Variants in RPH3A observed in about 807,000 individuals in gnomAD.
RPH3A encodes the protein rabphilin-3A.
In RPH3A, 48 loss-of-function variants were observed where a neutral mutation model predicts 102.2. That is an observed-to-expected ratio of 0.47 (90% CI 0.37 to 0.60). RPH3A has a LOEUF of 0.60. Among genes scored for constraint, RPH3A ranks in the 20% least tolerant of loss-of-function variants. RPH3A has a pLI of 0.00. For synonymous variants in RPH3A, 310 were observed against 324.3 expected (o/e 0.96, Z 0.47); for missense variants, 781 against 910.1 (o/e 0.86, Z 1.83).
Position 112,876,722 on chromosome 12 carries a change from G to A in RPH3A, c.1027G>A (p.Gly343Arg). The change falls in exon 13 of 22, where the codon GGA becomes AGA. Residue 343 changes from glycine to arginine, a missense_variant. Physicochemically the swap from Gly to Arg is moderately radical, Grantham distance 125. This residue lies in a region of RPH3A where 730 missense variants were observed against 810.0 expected (regional missense o/e 0.90). Coordinates refer to ENST00000389385, the MANE Select transcript of RPH3A (RefSeq NM_001143854.2). ...GGGAGTCGGGGGCTACCCAGCAGTT[G>A]GAGCCAGAGAGGACCGAATGAGCCA... ...TGGVGGYPAVGAREDRMSHPS... is the reference protein window; with the variant it reads ...TGGVGGYPAVRAREDRMSHPS... The A allele has an allele frequency of 6.2e-7, 1 of 1,613,484 alleles. No homozygotes were observed. The highest frequency in any genetic ancestry group is 8.5e-7 in the Non-Finnish European group (1 of 1,179,766).
chr12:112,842,197 C>T (rs1001278993), intron 4 of RPH3A, among the ~76,000 whole-genome samples: 4 of 152,200 alleles, frequency 2.6e-5, no homozygotes, highest in Non-Finnish European at 5.9e-5. Flanking sequence ...ACTATATGTG[C>T]AGTGCTATTA....
chr12:112,676,020 C>A (rs1352237354), intron 1 of RPH3A, among the ~76,000 whole-genome samples: 1 of 152,112 alleles, frequency 6.6e-6, no homozygotes, highest in Non-Finnish European at 1.5e-5. Flanking sequence ...GGAGCCTGGG[C>A]AGTCCTGCCT....
Position 112,898,175 on chromosome 12 carries a change from G to C in RPH3A, c.*1395G>C, listed in dbSNP as rs995989866. 1 of 152,154 alleles carries C rather than the reference G, an allele frequency of 6.6e-6. No homozygotes were observed. The highest frequency in any genetic ancestry group is 1.5e-5 in the Non-Finnish European group (1 of 68,022). 9.4% of individuals were successfully genotyped at this position (152,154 alleles called of 1,614,324 possible). The stretch of plus-strand genomic sequence containing the variant: ...GAGAGAGACAGGCCTGATGCCAAAG[G>C]CTTTGGGCTCATCATCAATCTTTCA... On this transcript the variant is annotated 3_prime_UTR_variant, in exon 22 of 22. Coordinates refer to ENST00000389385, the MANE Select transcript of RPH3A (RefSeq NM_001143854.2).
chr12:112,789,431 A>T (rs1217147416), upstream of RPH3A, among the ~76,000 whole-genome samples: 2 of 152,152 alleles, frequency 1.3e-5, no homozygotes, highest in African/African-American at 4.8e-5. Flanking sequence ...TTTGAAATGA[A>T]CTCTGAGAGA....
At chr12:112,667,677 A>AGG (rs2040096187) in intron 1 of RPH3A, among the ~76,000 whole-genome samples, 1 of 99,382 alleles carries the variant, frequency 1.0e-5, no homozygotes, top group African/African-American at 5.5e-5. Context: ...AGAGAGAGAG[A>AGG]GAGAGAGAGA....
At chr12:112,831,324 A>G (rs528588350) in intron 3 of RPH3A, among the ~76,000 whole-genome samples, 32 of 152,120 alleles carry the variant, frequency 2.1e-4, no homozygotes, top group South Asian at 1.9e-3. Flanking sequence ...TTTCAGTCAT[A>G]TGGTTCATTC....
Position 112,847,682 on chromosome 12 carries a change from A to T in RPH3A, c.84-14A>T. ...TTTCTGCCCACCCTCACACCTTCCC[A>T]AATTTCCTTTCAGGCTCCAGGCAGG... On this transcript the variant is annotated splice_polypyrimidine_tract_variant and intron_variant, in intron 4 of 21. Coordinates refer to ENST00000389385, the MANE Select transcript of RPH3A (RefSeq NM_001143854.2). 1 of 1,612,848 alleles carries T rather than the reference A, an allele frequency of 6.2e-7. No individual in the cohort carries two copies. Among genetic ancestry groups the T allele is most frequent in the South Asian group, 1.1e-5 (1 of 90,920 alleles).
At chr12:112,759,881 A>G (rs2040843906) in intron 1 of RPH3A, among the ~76,000 whole-genome samples, 1 of 152,110 alleles carries the variant, frequency 6.6e-6, no homozygotes, top group Admixed American at 6.5e-5. Context: ...ATTCCTTCCA[A>G]TGACAGGTAA....
intron 1 of RPH3A, among the ~76,000 whole-genome samples, chr12:112,633,022 G>A (rs1290030828): frequency 6.6e-6 from 1 of 151,446 alleles, no homozygotes; most frequent in South Asian, 2.1e-4. Flanking sequence ...GTGAGACCCT[G>A]TCTCTCTAAA....
chr12:112,624,096 A>G (rs1157024172), intron 1 of RPH3A, among the ~76,000 whole-genome samples: 4 of 147,200 alleles, frequency 2.7e-5, no homozygotes, highest in African/African-American at 7.6e-5. Context: ...AAATGCCCAC[A>G]AGAGAAAGCA....
chr12:112,756,319 TCTC>T (rs1298965252), intron 1 of RPH3A, among the ~76,000 whole-genome samples: 2 of 152,094 alleles, frequency 1.3e-5, no homozygotes, highest in Non-Finnish European at 2.9e-5. Context: ...TTCAAACAAT[TCTC>T]CTGCCTCAGC....
intron 1 of RPH3A, among the ~76,000 whole-genome samples, chr12:112,656,174 C>T (rs1460353142): frequency 1.3e-5 from 2 of 152,224 alleles, no homozygotes; most frequent in Non-Finnish European, 2.9e-5. Flanking sequence ...TCTGGGCTAA[C>T]ATGGCATCCT....
rs1159866072 is a variant in RPH3A at position 112,868,511 on chromosome 12, A to G, written c.526A>G (p.Lys176Glu). 1.2e-6 allele frequency: 2 copies of G among 1,614,140 alleles called. No individual in the cohort carries two copies. Among genetic ancestry groups the G allele is most frequent in the Non-Finnish European group, 1.7e-6 (2 of 1,180,030 alleles). ...LPQPMPIKKT[K>E]PQQPVSEPAA... ...ACAGCCTATGCCTATAAAGAAGACC[A>G]AGCCCCAGCAGCCTGTCAGTGAGCC... is the stretch of plus-strand genomic sequence containing the variant. Residue 176 changes from lysine to glutamate, a missense_variant, in exon 8 of 22, where the codon AAG becomes GAG. Coordinates refer to ENST00000389385, the MANE Select transcript of RPH3A (RefSeq NM_001143854.2).
intron 1 of RPH3A, among the ~76,000 whole-genome samples, chr12:112,657,282 T>A (rs1188822866): frequency 6.6e-6 from 1 of 152,206 alleles, no homozygotes; most frequent in Non-Finnish European, 1.5e-5. Flanking sequence ...TACTTTTTAA[T>A]GGCGTTATTT....
In RPH3A at chr12:112,678,287, AAGAAAGAAAGAAAGAAAG is replaced by A. The variant is rs1330851003; in HGVS notation, c.-140+102972_-140+102989del. Reference sequence around the variant, plus strand: ...AAAGAAAGAAAGAAAGAAAGAAAGAAAGAAAGAAAGAAAGAAAGAGAGAGAGAGAGAAAGAAAGAAAGA... The same window carrying A: ...AAAGAAAGAAAGAAAGAAAGAAAGAAAGAGAGAGAGAGAAAGAAAGAAAGA... On this transcript the variant is annotated intron_variant, in intron 1 of 21. Transcript: ENST00000543106. 3.0e-3 allele frequency among the ~76,000 whole-genome samples: 106 copies of A among 35,638 alleles called. 20 individuals carry two copies. The highest frequency in any genetic ancestry group is 0.017 in the East Asian group (23 of 1,378). The allele number at this position is 35,638 out of a possible 152,430, so 23.4% of individuals were successfully genotyped here. A position where few individuals can be genotyped will look rare whatever the true frequency, so the allele number is the denominator to read the frequency against.
At chr12:112,672,208 C>T (rs1304887704) in intron 1 of RPH3A, among the ~76,000 whole-genome samples, 1 of 152,014 alleles carries the variant, frequency 6.6e-6, no homozygotes. Context: ...ACTCAGGCCA[C>T]ATTTCTACCT....
intron 1 of RPH3A, among the ~76,000 whole-genome samples, chr12:112,643,378 C>CAGAAGTCATCATCAG: frequency 6.6e-6 from 1 of 152,210 alleles, no homozygotes; most frequent in Admixed American, 6.5e-5. Flanking sequence ...GCTGCTGATG[C>CAGAAGTCATCATCAG]AGAAGTCAAA....
intron 1 of RPH3A, among the ~76,000 whole-genome samples, chr12:112,766,296 T>C (rs937558929): frequency 1.1e-4 from 17 of 152,210 alleles, no homozygotes; most frequent in African/African-American, 4.1e-4. Context: ...ACCTGCCTCA[T>C]AGGGATATTG....
chr12:112,894,111 T>A (rs2043142561), intron 19 of RPH3A: 1 of 172,682 alleles, frequency 5.8e-6, no homozygotes, highest in African/African-American at 2.4e-5. Flanking sequence ...CAGATTTGCA[T>A]CTTCCCCTTT....
Sources: allele counts gnomAD v4.1 joint callset (sites outside exome capture counted in the v4.1 genomes callset), GRCh38; gene constraint gnomAD v4.1.1; regional missense constraint gnomAD v4.1.1; transcripts MANE v1.5; gene names NCBI Gene and HGNC (gene_info 2026-07-23, HGNC 2026-07-21).